Variants in TBL1Y observed in about 807,000 individuals in gnomAD.
TBL1Y encodes the protein F-box-like/WD repeat-containing protein TBL1Y.
A neutral mutation model predicts 12.0 loss-of-function variants in TBL1Y; 15 were observed. The observed-to-expected ratio is 1.25, with a 90% CI of 0.83 to 1.92. The LOEUF (loss-of-function observed/expected upper bound fraction) is 1.92, where lower values mean the gene tolerates loss of function less well. Among genes scored for constraint, TBL1Y ranks in the 40% most tolerant of loss-of-function variants. The pLI, the probability that TBL1Y is intolerant of heterozygous loss-of-function variation, is 0.00. For synonymous variants in TBL1Y, 53 were observed against 42.6 expected (o/e 1.24, Z -0.95); for missense variants, 148 against 116.7 (o/e 1.27, Z -1.24).
intron 8 of TBL1Y, among the ~76,000 whole-genome samples, chrY:7,065,333 A>AT (rs2012972567): frequency 1.2e-4 from 4 of 33,374 alleles, no homozygotes; most frequent in Non-Finnish European, 3.0e-4. Context: ...GCCTGCCACC[A>AT]TGTAAGGCAT....
intron 8 of TBL1Y, among the ~76,000 whole-genome samples, chrY:7,064,415 G>C (rs1396530638): frequency 3.0e-5 from 1 of 32,976 alleles, no homozygotes; most frequent in South Asian, 7.1e-4. Context: ...ATAATACATG[G>C]TTATGGCCCA....
intron 12 of TBL1Y, among the ~76,000 whole-genome samples, chrY:7,074,095 G>A: frequency 3.0e-5 from 1 of 33,786 alleles, no homozygotes; most frequent in Non-Finnish European, 7.3e-5. Context: ...TTCTGCACTT[G>A]GGGATGAGGA....
At chrY:7,066,054 G>A in intron 8 of TBL1Y, among the ~76,000 whole-genome samples, 3 of 34,290 alleles carry the variant, frequency 8.7e-5, no homozygotes, top group Admixed American at 2.6e-4. Flanking sequence ...TAAAGGAAGA[G>A]CAAAGGTATG....
intron 2 of TBL1Y, among the ~76,000 whole-genome samples, chrY:6,958,993 G>C: frequency 3.0e-5 from 1 of 33,653 alleles, no homozygotes; most frequent in Admixed American, 2.7e-4. Flanking sequence ...TGTTGGGCTG[G>C]GGGACGGTCA....
At chrY:6,994,997 G>A in intron 3 of TBL1Y, among the ~76,000 whole-genome samples, 2 of 33,054 alleles carry the variant, frequency 6.1e-5, no homozygotes, top group South Asian at 7.2e-4. Flanking sequence ...ATGCAGGGCC[G>A]AGGAAGATCC....
intron 7 of TBL1Y, among the ~76,000 whole-genome samples, chrY:7,063,471 A>C: frequency 3.1e-5 from 1 of 32,680 alleles, no homozygotes; most frequent in Non-Finnish European, 7.5e-5. Context: ...TTTGGCACGA[A>C]AAATGGTTAT....
chrY:7,056,229 G>A, intron 7 of TBL1Y, among the ~76,000 whole-genome samples: 1 of 33,823 alleles, frequency 3.0e-5, no homozygotes, highest in African/African-American at 1.2e-4. Flanking sequence ...TGAACCCAAC[G>A]AGTCATTTGA....
intron 2 of TBL1Y, among the ~76,000 whole-genome samples, chrY:6,930,761 G>A: frequency 6.0e-5 from 2 of 33,369 alleles, no homozygotes; most frequent in Non-Finnish European, 1.5e-4. Flanking sequence ...ACCAATCAGC[G>A]GGATGTGGGT....
chrY:7,068,552 G>C (rs2013002843), intron 8 of TBL1Y, among the ~76,000 whole-genome samples: 4 of 31,576 alleles, frequency 1.3e-4, no homozygotes, highest in African/African-American at 5.0e-4. Flanking sequence ...GCTTCTCCCT[G>C]CAACCTTCTG....
chrY:7,004,356 C>T (rs2012472614), intron 4 of TBL1Y, among the ~76,000 whole-genome samples: 1 of 33,385 alleles, frequency 3.0e-5, no homozygotes, highest in Non-Finnish European at 7.4e-5. Flanking sequence ...AAAAAGAAAG[C>T]GGATGCTATA....
chrY:7,000,420 A>G (rs2012440168), intron 4 of TBL1Y, among the ~76,000 whole-genome samples: 2 of 33,520 alleles, frequency 6.0e-5, no homozygotes, highest in African/African-American at 2.3e-4. Context: ...CAGTCACCCA[A>G]TGCTGTTTGC....
In TBL1Y at chrY:7,083,696, A is replaced by G. The variant is rs369188650; in HGVS notation, c.1078-2202A>G. Among the ~76,000 whole-genome samples the G allele has an allele frequency of 1.3e-4, 4 of 31,138 alleles. No homozygotes were observed. In the East Asian group the frequency reaches 2.6e-3, roughly 20 times the overall value. The allele number at this position is 31,138 out of a possible 37,273, so 83.5% of individuals were successfully genotyped here. A position where few individuals can be genotyped will look rare whatever the true frequency, so the allele number is the denominator to read the frequency against. ...GCTCACACTGTCAGCCTCCTCTCCA[A>G]CCGGTCTGCTGCACCCTTTCCAGAT... On this transcript the variant is annotated intron_variant, in intron 14 of 18. Coordinates refer to ENST00000383032, the MANE Select transcript of TBL1Y (RefSeq NM_033284.2).
intron 7 of TBL1Y, among the ~76,000 whole-genome samples, chrY:7,063,062 C>G (rs1330827434): frequency 3.1e-5 from 1 of 32,451 alleles, no homozygotes; most frequent in Admixed American, 2.8e-4. Flanking sequence ...GGTTATTCCT[C>G]GCACAGGGTG....
At chrY:6,915,496 G>T (rs2011728106) in intron 2 of TBL1Y, among the ~76,000 whole-genome samples, 1 of 33,439 alleles carries the variant, frequency 3.0e-5, no homozygotes, top group Admixed American at 2.8e-4. Context: ...TTATTTGTCA[G>T]TGAGGATAGG....
chrY:6,922,128 G>A (rs780977869), intron 2 of TBL1Y, among the ~76,000 whole-genome samples: 3 of 33,996 alleles, frequency 8.8e-5, no homozygotes, highest in African/African-American at 3.4e-4. Flanking sequence ...CACGTGTGGA[G>A]TTGTTCCTTC....
In TBL1Y at chrY:6,910,745, G is replaced by T. The variant is rs2011684103; in HGVS notation, c.-588G>T. 3 of 55,483 alleles carry T rather than the reference G, an allele frequency of 5.4e-5. No individual in the cohort carries two copies. Among genetic ancestry groups the T allele is most frequent in the African/African-American group, 1.1e-4 (1 of 9,456 alleles). 13.8% of individuals were successfully genotyped at this position (55,483 alleles called of 400,897 possible). On this transcript the variant is annotated 5_prime_UTR_variant, in exon 1 of 19. Coordinates refer to ENST00000383032, the MANE Select transcript of TBL1Y (RefSeq NM_033284.2). Reference sequence around the variant, plus strand: ...CCGCCAACACCCCAGCTCCGCTGCTGCCGCCACCGCAGTGCTCTCTAGTCG... The same window carrying T: ...CCGCCAACACCCCAGCTCCGCTGCTTCCGCCACCGCAGTGCTCTCTAGTCG...
In TBL1Y at chrY:7,033,236, G is replaced by T. The variant is rs369617067; in HGVS notation, c.58+8094G>T. On this transcript the variant is annotated intron_variant, in intron 6 of 18. Transcript: ENST00000383032. ...CACAAATCAGCTGGAAAATTTAGAA[G>T]AAATGGATACATTCCTGGACATATA... 2.3e-3 allele frequency among the ~76,000 whole-genome samples: 77 copies of T among 33,332 alleles called. No individual in the cohort carries two copies. In the East Asian group the frequency reaches 0.062, roughly 27 times the overall value. 89.4% of individuals were successfully genotyped at this position (33,332 alleles called of 37,273 possible).
intron 16 of TBL1Y, among the ~76,000 whole-genome samples, chrY:7,086,897 A>AAT (rs2013141474): frequency 4.5e-5 from 1 of 22,002 alleles, no homozygotes; most frequent in Admixed American, 4.9e-4. Context: ...TTGCTTGAAG[A>AAT]ATATATATAT....
chrY:6,989,367 A>G (rs2012346758), intron 3 of TBL1Y, among the ~76,000 whole-genome samples: 1 of 33,332 alleles, frequency 3.0e-5, no homozygotes, highest in African/African-American at 1.2e-4. Flanking sequence ...TTGATTTTAG[A>G]TGCCTGAAAA....
Sources: allele counts gnomAD v4.1 joint callset (sites outside exome capture counted in the v4.1 genomes callset), GRCh38; gene constraint gnomAD v4.1.1; transcripts MANE v1.5; gene names NCBI Gene and HGNC (gene_info 2026-07-23, HGNC 2026-07-21).